Variants in IQCF2 observed in about 807,000 individuals in gnomAD.
IQCF2 encodes the protein IQ domain-containing protein F2.
Under a neutral mutation model 7.0 loss-of-function variants are expected in IQCF2, and 6 were observed. The observed-to-expected ratio is 0.86, with a 90% confidence interval of 0.47 to 1.70. The LOEUF (loss-of-function observed/expected upper bound fraction) is 1.70, where lower values mean the gene tolerates loss of function less well. Among genes scored for constraint, IQCF2 ranks in the 40% most tolerant of loss-of-function variants. IQCF2 has a pLI of 0.01. For missense variants in IQCF2, 174 were observed against 204.6 expected (o/e 0.85, Z 0.91); for synonymous variants, 67 against 74.0 (o/e 0.91, Z 0.48).
intron 1 of IQCF2, 60 bp downstream of exon 1, chr3:51,861,744 T>G: frequency 6.3e-7 from 1 of 1,599,816 alleles, no homozygotes; most frequent in Non-Finnish European, 8.6e-7. Context: ...CTCCCTGGGC[T>G]TTACAGGACT....
chr3:51,862,037 G>A (rs1213368786), intron 2 of IQCF2, 87 bp downstream of exon 2: 1 of 934,142 alleles, frequency 1.1e-6, no homozygotes, highest in East Asian at 2.6e-5. Flanking sequence ...TATCAATCCA[G>A]GGTCTAATTA....
In IQCF2 at chr3:51,861,657, A is replaced by T. The variant is rs1030991780; in HGVS notation, c.-10A>T. 1.7e-5 allele frequency: 27 copies of T among 1,614,074 alleles called. No homozygotes were observed. Among genetic ancestry groups the T allele is most frequent in the Non-Finnish European group, 2.3e-5 (27 of 1,180,010 alleles). Reference sequence around the variant, plus strand: ...GAAATCAGGGCTAATGAACCATCTAAGGACAGGCCATGAGGGTTCGATTTT... The same window carrying T: ...GAAATCAGGGCTAATGAACCATCTATGGACAGGCCATGAGGGTTCGATTTT... On this transcript the variant is annotated 5_prime_UTR_variant, in exon 1 of 3. It adds an upstream start codon to the 5' untranslated region. Transcript: ENST00000333127.
At chr3:51,862,014 GGACTTTGCCTC>G in intron 2 of IQCF2, 64 bp downstream of exon 2, 4 of 1,214,628 alleles carry the variant, frequency 3.3e-6, no homozygotes, top group Non-Finnish European at 4.8e-6. Context: ...ATAAGGTGTA[GGACTTTGCCTC>G]TTATCAATCC....
chr3:51,862,882 G>A lies in IQCF2; in HGVS notation c.112-105G>A, dbSNP rs1036906459. 7 of 1,378,750 alleles carry A rather than the reference G, an allele frequency of 5.1e-6. No homozygotes were observed. The South Asian group carries it at 9.8e-5, about 19-fold the overall frequency. The allele number at this position is 1,378,750 out of a possible 1,614,324, so 85.4% of individuals were successfully genotyped here. Reference sequence around the variant, plus strand: ...TGTCCTGCTAACTTCCCTGAATTCTGAGGAAGGGCTGTGTTTTGAGAGAGA... The same window carrying A: ...TGTCCTGCTAACTTCCCTGAATTCTAAGGAAGGGCTGTGTTTTGAGAGAGA... On this transcript the variant is annotated intron_variant, in intron 2 of 2. Coordinates refer to ENST00000333127, the MANE Select transcript of IQCF2 (RefSeq NM_203424.2).
At position 51,863,003 on chromosome 3, in the gene IQCF2, G is replaced by C; in HGVS notation, c.128G>C (p.Arg43Thr). 1.2e-6 allele frequency: 2 copies of C among 1,608,692 alleles called. No individual in the cohort carries two copies. The highest frequency in any genetic ancestry group is 1.7e-6 in the Non-Finnish European group (2 of 1,176,586). ...TCTGCCTAGGAAAAACTTAGAATAA[G>C]AACAAAAGCAGCTGTAAAGATCCAG... ...QQKIKEKLRI[R>T]TKAAVKIQAW... The change falls in exon 3 of 3, where the codon AGA (arginine) becomes ACA (threonine). Residue 43 changes from arginine to threonine, a missense_variant. By Grantham distance (71) the Arg-to-Thr change is moderately conservative (BLOSUM62 -1). Transcript: ENST00000333127.
In IQCF2 at chr3:51,862,028, A is replaced by T. The variant is rs117290822; in HGVS notation, c.111+78A>T. 8.5e-4 allele frequency: 886 copies of T among 1,040,866 alleles called. 8 individuals carry two copies. The East Asian group carries it at 0.018, about 21-fold the overall frequency. The allele number at this position is 1,040,866 out of a possible 1,614,324, so 64.5% of individuals were successfully genotyped here. A position where few individuals can be genotyped will look rare whatever the true frequency, so the allele number is the denominator to read the frequency against. On this transcript the variant is annotated intron_variant, in intron 2 of 2. Transcript: ENST00000333127. ...CATAAGGTGTAGGACTTTGCCTCTT[A>T]TCAATCCAGGGTCTAATTAGGAGTC...
At chr3:51,862,332 A>G (rs1015353811) in intron 2 of IQCF2, among the ~76,000 whole-genome samples, 1 of 148,566 alleles carries the variant, frequency 6.7e-6, no homozygotes, top group Non-Finnish European at 1.5e-5. Context: ...GAACCCGAGA[A>G]GCGGAGCTTG....
chr3:51,862,884 G>A, intron 2 of IQCF2, 103 bp from the exon 3 acceptor site: 4 of 1,389,076 alleles, frequency 2.9e-6, no homozygotes, highest in Non-Finnish European at 3.9e-6. Context: ...TGAATTCTGA[G>A]GAAGGGCTGT....
rs752929233 is a variant in IQCF2, at chr3:51,861,907, T to C, written c.68T>C (p.Ile23Thr). ...ATAATTGAGGATGTTGAAGAAAGCATTGAATGGAAGACATTGCAGAAGAAG... is the reference window on the plus strand; with the variant it reads ...ATAATTGAGGATGTTGAAGAAAGCACTGAATGGAAGACATTGCAGAAGAAG... ...LVIIEDVEESIEWKTLQKKKQ... is the reference protein window; with the variant it reads ...LVIIEDVEESTEWKTLQKKKQ... Residue 23 changes from isoleucine (I) to threonine (T), a missense_variant, in exon 2 of 3, where the codon ATT becomes ACT. Transcript: ENST00000333127. 1.1e-5 allele frequency: 18 copies of C among 1,613,940 alleles called. No individual in the cohort carries two copies. In the East Asian group the frequency reaches 3.3e-4, roughly 30 times the overall value.
At chr3:51,862,182 G>A (rs1698645543) in intron 2 of IQCF2, among the ~76,000 whole-genome samples, 1 of 152,098 alleles carries the variant, frequency 6.6e-6, no homozygotes. Context: ...GGCAGATCAT[G>A]AGGTCAGGAG....
In IQCF2 at chr3:51,863,333, C is replaced by T. The variant is rs766644693; in HGVS notation, c.458C>T (p.Thr153Ile). 1.2e-6 allele frequency: 2 copies of T among 1,614,118 alleles called. No homozygotes were observed. The highest frequency in any genetic ancestry group is 3.3e-5 in the Admixed American group (2 of 60,030). Residue 153 changes from threonine (T) to isoleucine (I), a missense_variant, in exon 3 of 3, where the codon ACT (threonine) becomes ATT (isoleucine). Coordinates refer to ENST00000333127, the MANE Select transcript of IQCF2 (RefSeq NM_203424.2). ...CAGGGCCACTGTGTGGTCACAGCCA[C>T]TCACCTGCAGTTCCACATTGAGATC... ...LLQGHCVVTA[T>I]HLQFHIEIIN...
chr3:51,861,975 G>A, intron 2 of IQCF2, 25 bp downstream of exon 2: 1 of 1,519,180 alleles, frequency 6.6e-7, no homozygotes, highest in South Asian at 1.1e-5. Context: ...ATGTACTTAA[G>A]AGAAATCCAG....
chr3:51,862,872 C>T, intron 2 of IQCF2, 115 bp from the exon 3 acceptor site: 2 of 1,316,656 alleles, frequency 1.5e-6, no homozygotes, highest in South Asian at 1.4e-5. Flanking sequence ...TGCTAACTTC[C>T]CTGAATTCTG....
intron 2 of IQCF2, among the ~76,000 whole-genome samples, chr3:51,862,181 TG>T: frequency 1.3e-5 from 2 of 152,072 alleles, no homozygotes; most frequent in Middle Eastern, 6.8e-3. Context: ...AGGCAGATCA[TG>T]AGGTCAGGAG....
rs1698636691 is a variant in IQCF2, at chr3:51,861,620, T to C, written c.-47T>C. 7.4e-6 allele frequency: 12 copies of C among 1,612,430 alleles called. No individual in the cohort carries two copies. In the East Asian group the frequency reaches 2.5e-4, roughly 33 times the overall value. On this transcript the variant is annotated 5_prime_UTR_variant, in exon 1 of 3. Coordinates refer to ENST00000333127, the MANE Select transcript of IQCF2 (RefSeq NM_203424.2). ...TCACTCACGTTACTCATGCCAGACC[T>C]TGGGAAGCAGAGAAATCAGGGCTAA... is the stretch of plus-strand genomic sequence containing the variant.
At position 51,863,262 on chromosome 3, in the gene IQCF2, C is replaced by T. The variant is rs1431923223; in HGVS notation, c.387C>T (p.Ile129=). The change falls in exon 3 of 3, where the codon ATC becomes ATT. Residue 129 remains isoleucine, a synonymous_variant. Coordinates refer to ENST00000333127, the MANE Select transcript of IQCF2 (RefSeq NM_203424.2). The stretch of plus-strand genomic sequence containing the variant: ...AGGTGCTCAATGCCATCTACATCAT[C>T]CAGGGCCACTGGCAATGCCACAACT... ...YCQVLNAIYI[I]QGHWQCHNCQ... is the part of the protein sequence containing the mutation. 9 of 1,614,114 alleles carry T rather than the reference C, an allele frequency of 5.6e-6. No homozygotes were observed. Among genetic ancestry groups the T allele is most frequent in the Admixed American group, 3.3e-5 (2 of 60,014 alleles).
chr3:51,862,828 C>T (rs766443425), intron 2 of IQCF2, among the ~76,000 whole-genome samples, 159 bp from the exon 3 acceptor site: 1 of 152,244 alleles, frequency 6.6e-6, no homozygotes, highest in Non-Finnish European at 1.5e-5. Flanking sequence ...AGAGGAAGGT[C>T]ACCACCAGGT....
In IQCF2 at chr3:51,862,970, C is replaced by A; in HGVS notation, c.112-17C>A. 6.3e-7 allele frequency: 1 copy of A among 1,587,648 alleles called. No homozygotes were observed. Among genetic ancestry groups the A allele is most frequent in the Non-Finnish European group, 8.6e-7 (1 of 1,166,808 alleles). On this transcript the variant is annotated splice_polypyrimidine_tract_variant and intron_variant, in intron 2 of 2. Transcript: ENST00000333127. ...TGGCAGGAAGTTTTCTGACTGATCGCTCTTGTCTCTGCCTAGGAAAAACTT... is the reference window on the plus strand; with the variant it reads ...TGGCAGGAAGTTTTCTGACTGATCGATCTTGTCTCTGCCTAGGAAAAACTT...
intron 1 of IQCF2, 59 bp from the exon 2 acceptor site, chr3:51,861,799 G>A (rs1698639712): frequency 1.3e-6 from 2 of 1,563,960 alleles, no homozygotes; most frequent in Non-Finnish European, 1.8e-6. Context: ...TTTGTATAGA[G>A]CCATAGAGAG....
Sources: allele counts gnomAD v4.1 joint callset (sites outside exome capture counted in the v4.1 genomes callset), GRCh38; gene constraint gnomAD v4.1.1; transcripts MANE v1.5; gene names NCBI Gene and HGNC (gene_info 2026-07-23, HGNC 2026-07-21).